CLYBL: variants seen among roughly 807,000 people sequenced by gnomAD.
The protein encoded by CLYBL is citramalyl-CoA lyase, also known as citramalyl-CoA lyase, mitochondrial.
A neutral mutation model predicts 38.9 loss-of-function variants in CLYBL; 31 were observed. The ratio of observed to expected loss-of-function variants is 0.80; its 90% CI spans 0.60 to 1.08. The LOEUF (loss-of-function observed/expected upper bound fraction) is 1.08, where lower values mean the gene tolerates loss of function less well. Among genes scored for constraint, CLYBL ranks in the 50% least tolerant of loss-of-function variants. CLYBL has a pLI of 0.00. For missense variants in CLYBL, 434 were observed against 411.6 expected (o/e 1.05, Z -0.47); for synonymous variants, 171 against 158.6 (o/e 1.08, Z -0.59).
intron 2 of CLYBL, among the ~76,000 whole-genome samples, chr13:99,818,435 A>G (rs902992693): frequency 1.4e-5 from 2 of 148,030 alleles, no homozygotes; most frequent in Non-Finnish European, 3.0e-5. Flanking sequence ...TGAAGATCAC[A>G]TGGAGCAGAA....
chr13:99,654,821 C>T (rs1168960617), intron 1 of CLYBL, among the ~76,000 whole-genome samples: 5 of 152,070 alleles, frequency 3.3e-5, no homozygotes, highest in East Asian at 3.9e-4. Flanking sequence ...CTGGCTAACA[C>T]GGTGAAACCC....
At chr13:99,670,433 G>T (rs2806283) in intron 1 of CLYBL, among the ~76,000 whole-genome samples, 3 of 152,148 alleles carry the variant, frequency 2.0e-5, no homozygotes, top group Non-Finnish European at 2.9e-5. Flanking sequence ...GGAATTTCCC[G>T]TGGCAGTTTC....
chr13:99,875,433 G>T (rs2052013039), intron 7 of CLYBL, among the ~76,000 whole-genome samples: 1 of 152,070 alleles, frequency 6.6e-6, no homozygotes, highest in Admixed American at 6.6e-5. Flanking sequence ...AATATTGAAA[G>T]CCCATCATTT....
intron 1 of CLYBL, among the ~76,000 whole-genome samples, chr13:99,653,111 A>G (rs2047279417): frequency 6.6e-6 from 1 of 152,188 alleles, no homozygotes; most frequent in South Asian, 2.1e-4. Flanking sequence ...GGAAAAGACA[A>G]GCCAATCTGA....
chr13:99,614,815 G>GATCCCTCCC (rs1190552977), intron 1 of CLYBL, among the ~76,000 whole-genome samples: 1 of 152,142 alleles, frequency 6.6e-6, no homozygotes, highest in Non-Finnish European at 1.5e-5. Flanking sequence ...TTACTGCAGA[G>GATCCCTCCC]ATCCCTCCCT....
chr13:99,896,690 G>A (rs753299422), downstream of CLYBL: 10 of 152,278 alleles, frequency 6.6e-5, no homozygotes, highest in Non-Finnish European at 1.5e-4. Flanking sequence ...TTCGAATCAA[G>A]AGGAAAATGA....
At chr13:99,709,583 G>C (rs1200546565) in intron 1 of CLYBL, among the ~76,000 whole-genome samples, 1 of 152,184 alleles carries the variant, frequency 6.6e-6, no homozygotes, top group East Asian at 1.9e-4. Context: ...TTCCCTGGCT[G>C]TTTCATTCCT....
rs762636582 is a variant in CLYBL, at chr13:99,606,744, G to A, written c.49G>A (p.Ala17Thr). Residue 17 changes from alanine to threonine, a missense_variant, in exon 1 of 9, where the codon GCG becomes ACG. Transcript: ENST00000339105. The stretch of plus-strand genomic sequence containing the variant: ...GGCGGCGCGCGGAGCTGCGGCGGCG[G>A]CGCTGCTGAGGCTGTGAGTGCAGGT... ...RRAARGAAAA[A>T]LLRLKASLAA... 8.1e-6 allele frequency: 12 copies of A among 1,484,834 alleles called. No individual in the cohort carries two copies. The highest frequency in any genetic ancestry group is 1.1e-5 in the Non-Finnish European group (12 of 1,123,204). The allele number at this position is 1,484,834 out of a possible 1,614,324, so 92.0% of individuals were successfully genotyped here. A position where few individuals can be genotyped will look rare whatever the true frequency, so the allele number is the denominator to read the frequency against.
At chr13:99,771,353 C>T (rs2049391910) in intron 1 of CLYBL, among the ~76,000 whole-genome samples, 1 of 152,166 alleles carries the variant, frequency 6.6e-6, no homozygotes, top group East Asian at 1.9e-4. Flanking sequence ...GGCCTAAGGC[C>T]TAATTGGCAG....
intron 2 of CLYBL, among the ~76,000 whole-genome samples, chr13:99,838,345 G>A (rs911554061): frequency 6.6e-6 from 1 of 152,124 alleles, no homozygotes; most frequent in Non-Finnish European, 1.5e-5. Flanking sequence ...TGGAGGAGGG[G>A]GGTTCTTTCG....
chr13:99,794,406 G>C (rs1398245826), intron 2 of CLYBL, among the ~76,000 whole-genome samples: 1 of 152,012 alleles, frequency 6.6e-6, no homozygotes, highest in Non-Finnish European at 1.5e-5. Context: ...GCTGACAAGA[G>C]CAAGACTCCA....
intron 1 of CLYBL, among the ~76,000 whole-genome samples, chr13:99,652,473 T>C (rs1463721165): frequency 1.3e-5 from 2 of 152,084 alleles, no homozygotes; most frequent in East Asian, 3.9e-4. Context: ...TTTGGGAGGC[T>C]GAAGCGGGTG....
At chr13:99,719,169 TAAGACAGG>T (rs2048360076) in intron 1 of CLYBL, among the ~76,000 whole-genome samples, 1 of 148,018 alleles carries the variant, frequency 6.8e-6, no homozygotes. Flanking sequence ...TTTTTTTTTT[TAAGACAGG>T]GTCTCTCTCT....
At chr13:99,765,936 C>T (rs548545148) in intron 1 of CLYBL, among the ~76,000 whole-genome samples, 3 of 150,826 alleles carry the variant, frequency 2.0e-5, no homozygotes, top group East Asian at 2.0e-4. Flanking sequence ...ACTGCAGTCT[C>T]GAACTCCTGG....
chr13:99,885,930 G>A (rs1402706202), intron 7 of CLYBL, among the ~76,000 whole-genome samples: 1 of 152,216 alleles, frequency 6.6e-6, no homozygotes, highest in East Asian at 1.9e-4. Flanking sequence ...GCAAGTGGAA[G>A]GCACAGCCAG....
At chr13:99,724,647 T>C (rs747442100) in intron 1 of CLYBL, among the ~76,000 whole-genome samples, 4 of 152,180 alleles carry the variant, frequency 2.6e-5, no homozygotes, top group Non-Finnish European at 4.4e-5. Flanking sequence ...TCGTGCAGAC[T>C]TCTCACTCAG....
At position 99,870,994 on chromosome 13, in the gene CLYBL, TC is replaced by T. The variant is rs35614015; in HGVS notation, c.863del (p.Pro288LeufsTer10). 1 of 1,613,756 alleles carries T rather than the reference TC, an allele frequency of 6.2e-7. No individual in the cohort carries two copies. The highest frequency in any genetic ancestry group is 1.3e-5 in the African/African-American group (1 of 75,002). ...CGTGGTCCAGGAGCAGTTTTCTCCT[TC>T]CCCTGAAAAAATTAAGTGGGCTGAA... ...IAVVQEQFSP[S>X]PEKIKWAEEL... On this transcript the variant is annotated frameshift_variant, in exon 7 of 9. Coordinates refer to ENST00000339105, the MANE Select transcript of CLYBL (RefSeq NM_206808.5). LOFTEE classifies it high-confidence loss of function.
chr13:99,608,847 C>CTTTTTTTTTTTTTTT (rs57961216), intron 1 of CLYBL, among the ~76,000 whole-genome samples: 1 of 87,876 alleles, frequency 1.1e-5, no homozygotes, highest in Admixed American at 1.3e-4. Flanking sequence ...AGTGATGAGT[C>CTTTTTTTTTTTTTTT]TTTTTTTTTT....
At chr13:99,785,826 G>A (rs2049778981) in intron 2 of CLYBL, among the ~76,000 whole-genome samples, 2 of 152,008 alleles carry the variant, frequency 1.3e-5, no homozygotes, top group African/African-American at 4.8e-5. Flanking sequence ...TTGAACTCCT[G>A]ACCTCGTGAT....
Sources: allele counts gnomAD v4.1 joint callset (sites outside exome capture counted in the v4.1 genomes callset), GRCh38; gene constraint gnomAD v4.1.1; transcripts MANE v1.5; gene names NCBI Gene and HGNC (gene_info 2026-07-23, HGNC 2026-07-21).